The following CDS2 variants were observed in gnomAD, a reference collection of about 807,000 sequenced individuals.
CDS2 encodes CDP-diacylglycerol synthase 2, also known as phosphatidate cytidylyltransferase 2.
Under a neutral mutation model 59.0 loss-of-function variants are expected in CDS2, and 47 were observed. The observed-to-expected ratio is 0.80, with a 90% CI of 0.63 to 1.02. The LOEUF is 1.02. CDS2 is among the 50% of genes least tolerant of loss of function. CDS2 has a pLI of 0.00. For missense variants in CDS2, 356 were observed against 558.9 expected, an observed-to-expected ratio of 0.64 and a Z score of 3.66; for synonymous variants, 207 against 206.4, an observed-to-expected ratio of 1.00 and a Z score of -0.02.
intron 1 of CDS2, among the ~76,000 whole-genome samples, chr20:5,166,577 G>A (rs1478140466): frequency 1.3e-5 from 2 of 152,180 alleles, no homozygotes; most frequent in Admixed American, 6.5e-5. Context: ...ACCCTCAAAT[G>A]CGGGGACAGG....
intron 1 of CDS2, chr20:5,168,541 CTT>C: frequency 2.0e-6 from 1 of 505,212 alleles, no homozygotes; most frequent in Non-Finnish European, 3.9e-6. Flanking sequence ...CACAGCCACA[CTT>C]TTTTGGGTCA....
chr20:5,143,248 C>T (rs1600475415), intron 1 of CDS2, among the ~76,000 whole-genome samples: 1 of 152,142 alleles, frequency 6.6e-6, no homozygotes, highest in Non-Finnish European at 1.5e-5. Context: ...CAACTGCACA[C>T]CCACTAGATT....
chr20:5,175,455 C>G, intron 3 of CDS2, 176 bp downstream of exon 3: 1 of 575,286 alleles, frequency 1.7e-6, no homozygotes, highest in East Asian at 3.0e-5. Context: ...CCTGGAGGGT[C>G]ATTGGTGTAG....
chr20:5,178,809 A>G lies in CDS2; in HGVS notation c.390-8A>G, dbSNP rs374609903. ...CTCCCCACGGCAATGACCTGTCTTC[A>G]TTTACAGGTACTTTCTCCTGTGTGT... On this transcript the variant is annotated splice_region_variant and splice_polypyrimidine_tract_variant and intron_variant, in intron 4 of 12. Coordinates refer to ENST00000460006, the MANE Select transcript of CDS2 (RefSeq NM_003818.4). The G allele has an allele frequency of 6.2e-7, 1 of 1,614,028 alleles. No individual in the cohort carries two copies. The highest frequency in any genetic ancestry group is 8.5e-7 in the Non-Finnish European group (1 of 1,179,916).
intron 5 of CDS2, among the ~76,000 whole-genome samples, chr20:5,181,154 G>A (rs1017676679): frequency 1.3e-5 from 2 of 152,170 alleles, no homozygotes; most frequent in South Asian, 4.1e-4. Flanking sequence ...ATACGGGGTC[G>A]GTAGCTGATT....
rs528789353 is a variant in CDS2, at chr20:5,193,227, C to G, written c.*2993C>G. The G allele has an allele frequency of 6.6e-6, 1 of 152,322 alleles. No homozygotes were observed. The highest frequency in any genetic ancestry group is 6.5e-5 in the Admixed American group (1 of 15,304). The allele number at this position is 152,322 out of a possible 1,614,324, so 9.4% of individuals were successfully genotyped here. ...AGAAAGGTTCCATTTATGTTTTACTCCTGAAAGTGAAACCCTCTTAGGCAA... is the reference window on the plus strand; with the variant it reads ...AGAAAGGTTCCATTTATGTTTTACTGCTGAAAGTGAAACCCTCTTAGGCAA... On this transcript the variant is annotated 3_prime_UTR_variant, in exon 13 of 13. Coordinates refer to ENST00000460006, the MANE Select transcript of CDS2 (RefSeq NM_003818.4).
intron 5 of CDS2, 76 bp from the exon 6 acceptor site, chr20:5,182,311 T>C: frequency 6.7e-6 from 9 of 1,341,254 alleles, no homozygotes; most frequent in Non-Finnish European, 9.3e-6. Context: ...AAAGAACCAC[T>C]TAACATAGCT....
At chr20:5,172,729 A>G (rs2090965293) in intron 1 of CDS2, among the ~76,000 whole-genome samples, 1 of 152,140 alleles carries the variant, frequency 6.6e-6, no homozygotes, top group Admixed American at 6.5e-5. Flanking sequence ...ACTCTAAGTG[A>G]TTTACTTTCT....
intron 1 of CDS2, among the ~76,000 whole-genome samples, chr20:5,147,640 G>T (rs922064692): frequency 6.6e-6 from 1 of 152,094 alleles, no homozygotes. Context: ...CTGGCCTCAG[G>T]TGATCTACCC....
intron 1 of CDS2, among the ~76,000 whole-genome samples, chr20:5,153,296 C>G (rs922390302): frequency 6.6e-6 from 1 of 152,038 alleles, no homozygotes; most frequent in African/African-American, 2.4e-5. Context: ...GTATAGAGTG[C>G]GTACATATCA....
At chr20:5,131,574 G>A (rs2090608272) in intron 1 of CDS2, among the ~76,000 whole-genome samples, 1 of 152,224 alleles carries the variant, frequency 6.6e-6, no homozygotes. Context: ...TTGCTGAAGT[G>A]CTATTTAAAT....
In CDS2 at chr20:5,184,933, C is replaced by A. The variant is rs368700421; in HGVS notation, c.747C>A (p.Thr249=). The A allele has an allele frequency of 3.1e-6, 5 of 1,611,784 alleles. No individual in the cohort carries two copies. The highest frequency in any genetic ancestry group is 2.5e-6 in the Non-Finnish European group (3 of 1,178,228). ...TGTTTGGCTTTTTCTTTGGTCGGAC[C>A]CCACTCATCAAGGTAAATGGATTAC... ...AYMFGFFFGR[T]PLIKLSPKKT... The change falls in exon 8 of 13, where the codon ACC becomes ACA. Residue 249 remains threonine, a synonymous_variant. Coordinates refer to ENST00000460006, the MANE Select transcript of CDS2 (RefSeq NM_003818.4). The surrounding 1 kb of genome is among the most constrained non-coding windows in gnomAD (Gnocchi z 4.3).
intron 1 of CDS2, among the ~76,000 whole-genome samples, chr20:5,136,915 G>C (rs2090653982): frequency 6.6e-6 from 1 of 151,986 alleles, no homozygotes; most frequent in African/African-American, 2.4e-5. Context: ...GTACTAGATG[G>C]GTAGTTTTTC....
At chr20:5,182,346 A>G in intron 5 of CDS2, 41 bp from the exon 6 acceptor site, 1 of 1,561,488 alleles carries the variant, frequency 6.4e-7, no homozygotes, top group Non-Finnish European at 8.8e-7. Context: ...ATAAATGCAG[A>G]ACATAATTCA....
intron 11 of CDS2, 98 bp downstream of exon 11, chr20:5,189,284 C>A: frequency 7.3e-7 from 1 of 1,375,830 alleles, no homozygotes. Flanking sequence ...AGGCTGTACA[C>A]CCTGGCATTT....
intron 8 of CDS2, among the ~76,000 whole-genome samples, chr20:5,185,242 G>A (rs1233447863): frequency 6.6e-6 from 1 of 152,150 alleles, no homozygotes; most frequent in African/African-American, 2.4e-5. Context: ...GGAACTTAGT[G>A]AGGCCTTGCC....
In CDS2 at chr20:5,135,842, C is replaced by G. The variant is rs138543485; in HGVS notation, c.57+8693C>G. Among the ~76,000 whole-genome samples, 256 of 152,270 alleles carry G rather than the reference C, an allele frequency of 1.7e-3. 2 individuals are homozygous for G. Among genetic ancestry groups the G allele is most frequent in the African/African-American group, 6.0e-3 (249 of 41,554 alleles). On this transcript the variant is annotated intron_variant, in intron 1 of 12. Coordinates refer to ENST00000460006, the MANE Select transcript of CDS2 (RefSeq NM_003818.4). ...GGGTATTCTGTGAAGTTTCCTTTCTCCCGCCTGCCTCTCCCCAGGGACAGC... is the reference window on the plus strand; with the variant it reads ...GGGTATTCTGTGAAGTTTCCTTTCTGCCGCCTGCCTCTCCCCAGGGACAGC...
intron 1 of CDS2, among the ~76,000 whole-genome samples, chr20:5,160,125 C>T (rs140274674): frequency 3.6e-4 from 55 of 152,302 alleles, no homozygotes; most frequent in African/African-American, 1.3e-3. Context: ...ACAACTGTTT[C>T]ATCTGTTGCT....
intron 10 of CDS2, among the ~76,000 whole-genome samples, chr20:5,188,659 A>G (rs2091088807): frequency 6.6e-6 from 1 of 152,220 alleles, no homozygotes; most frequent in Non-Finnish European, 1.5e-5. Context: ...TACAAAGAAA[A>G]GAGGTTTACT....
Sources: gnomAD v4.1 joint callset for allele counts (sites outside exome capture counted in the v4.1 genomes callset) on GRCh38, gnomAD v4.1.1 for gene constraint, Gnocchi (gnomAD v3.1) non-coding constraint, MANE v1.5 for transcripts, NCBI Gene and HGNC (gene_info 2026-07-23, HGNC 2026-07-21) for gene names.